The following PCDHGA11 variants were observed in gnomAD, a reference collection of about 807,000 sequenced individuals.
The protein encoded by PCDHGA11 is protocadherin gamma-A11.
A neutral mutation model predicts 60.4 loss-of-function variants in PCDHGA11; 39 were observed. That is an observed-to-expected ratio of 0.65 (90% CI 0.50 to 0.84). The LOEUF (loss-of-function observed/expected upper bound fraction) is 0.84, where lower values mean the gene tolerates loss of function less well. PCDHGA11 is among the 40% of genes least tolerant of loss of function. The pLI is 0.00. For missense variants in PCDHGA11, 1,165 were observed against 1,197.7 expected (o/e 0.97, Z 0.40); for synonymous variants, 533 against 510.3 (o/e 1.04, Z -0.60).
rs776854254 is a variant in PCDHGA11 at position 141,487,285 on chromosome 5, C to T, written c.2434-7522C>T. On this transcript the variant is annotated intron_variant, in intron 1 of 3. Coordinates refer to ENST00000398587, the MANE Select transcript of PCDHGA11 (RefSeq NM_018914.3). This position sits in a 1 kb window ranked among gnomAD's most constrained non-coding sequence, Gnocchi z 5.0. The stretch of plus-strand genomic sequence containing the variant: ...CCCTAGTGGCAATTTGCTTTGTCTC[C>T]TTTGGCTCATTCGTGGCACTACTCT... 8 of 1,614,148 alleles carry T rather than the reference C, an allele frequency of 5.0e-6. No homozygotes were observed. The highest frequency in any genetic ancestry group is 6.8e-6 in the Non-Finnish European group (8 of 1,180,036).
chr5:141,444,915 T>C (rs1262912255), intron 1 of PCDHGA11, among the ~76,000 whole-genome samples: 1 of 152,174 alleles, frequency 6.6e-6, no homozygotes, highest in East Asian at 1.9e-4. Flanking sequence ...TCTATACCTT[T>C]ATCAGGGAAA....
At chr5:141,460,987 A>C (rs201722325) in intron 1 of PCDHGA11, among the ~76,000 whole-genome samples, 1 of 92,990 alleles carries the variant, frequency 1.1e-5, no homozygotes, top group South Asian at 3.4e-4. Context: ...GTGTGTGTAT[A>C]TATATATATG....
intron 1 of PCDHGA11, among the ~76,000 whole-genome samples, chr5:141,448,086 TAA>T (rs558292628): frequency 6.8e-6 from 1 of 146,354 alleles, no homozygotes; most frequent in Middle Eastern, 3.2e-3. Flanking sequence ...AATGCCATCT[TAA>T]AAAAAAAAAA....
chr5:141,423,756 GGGGGTGGGGC>G, intron 1 of PCDHGA11, 96 bp downstream of exon 1: 1 of 448,620 alleles, frequency 2.2e-6, no homozygotes, highest in Non-Finnish European at 3.0e-6. Context: ...TGTTTGGGGG[GGGGGTGGGGC>G]GGCATATATT....
rs757308340 is a variant in PCDHGA11, at chr5:141,487,575, G to A, written c.2434-7232G>A. ...GCACCTATGGCAGGGGAGCCTGTTC[G>A]CCCAAGCTGCCCACCCTCTGATCTT... On this transcript the variant is annotated intron_variant, in intron 1 of 3. Coordinates refer to ENST00000398587, the MANE Select transcript of PCDHGA11 (RefSeq NM_018914.3). This position sits in a 1 kb window ranked among gnomAD's most constrained non-coding sequence, Gnocchi z 5.0. The A allele has an allele frequency of 3.1e-6, 5 of 1,614,018 alleles. No homozygotes were observed. In the African/African-American group the frequency reaches 4.0e-5, roughly 13 times the overall value.
chr5:141,490,796 A>G lies in PCDHGA11; in HGVS notation c.2434-4011A>G. ...CCAGAGGATGGACGGATCTTTGCCC[A>G]GCGTACCTTTGACTATGAATTGCTG... On this transcript the variant is annotated intron_variant, in intron 1 of 3. Coordinates refer to ENST00000398587, the MANE Select transcript of PCDHGA11 (RefSeq NM_018914.3). The surrounding 1 kb of genome is among the most constrained non-coding windows in gnomAD (Gnocchi z 5.4). The G allele has an allele frequency of 6.2e-7, 1 of 1,613,978 alleles. No individual in the cohort carries two copies. The highest frequency in any genetic ancestry group is 8.5e-7 in the Non-Finnish European group (1 of 1,179,904).
intron 1 of PCDHGA11, chr5:141,427,676 T>G: frequency 1.2e-6 from 1 of 813,766 alleles, no homozygotes; most frequent in Non-Finnish European, 2.1e-6. Flanking sequence ...AAAACAACCT[T>G]CCCGGAGCCT....
At chr5:141,428,145 A>T (rs748256830) in intron 1 of PCDHGA11, 11 of 1,592,456 alleles carry the variant, frequency 6.9e-6, no homozygotes, top group Non-Finnish European at 8.6e-7. Flanking sequence ...GGGGCTGCAC[A>T]CGGGAACCTG....
intron 1 of PCDHGA11, among the ~76,000 whole-genome samples, chr5:141,439,190 C>CAAA (rs200519543): frequency 1.8e-5 from 2 of 111,760 alleles, no homozygotes; most frequent in African/African-American, 6.3e-5. Context: ...GAGACTCTGA[C>CAAA]AAAAAAAAAA....
Position 141,423,884 on chromosome 5 carries a change from T to C in PCDHGA11, c.2433+224T>C, listed in dbSNP as rs1253750785. On this transcript the variant is annotated intron_variant, in intron 1 of 3. Transcript: ENST00000398587. ...TGAAAGTCATTTTTCAATCTTGGCA[T>C]ATTTTCTTTTGATTTCAAAGGGGCC... The C allele has an allele frequency of 6.2e-6, 8 of 1,282,566 alleles. No individual in the cohort carries two copies. In the African/African-American group the frequency reaches 1.2e-4, roughly 20 times the overall value. 79.4% of individuals were successfully genotyped at this position (1,282,566 alleles called of 1,614,324 possible). A position where few individuals can be genotyped will look rare whatever the true frequency, so the allele number is the denominator to read the frequency against.
intron 1 of PCDHGA11, among the ~76,000 whole-genome samples, chr5:141,481,426 A>T (rs1431602618): frequency 6.6e-6 from 1 of 152,238 alleles, no homozygotes; most frequent in Non-Finnish European, 1.5e-5. Context: ...TGTGATGATG[A>T]TTGTATCAGT....
In PCDHGA11 at chr5:141,433,032, C is replaced by T. The variant is rs751061646; in HGVS notation, c.2433+9372C>T. The T allele has an allele frequency of 2.5e-6, 4 of 1,614,188 alleles. No homozygotes were observed. Among genetic ancestry groups the T allele is most frequent in the African/African-American group, 2.7e-5 (2 of 75,058 alleles). On this transcript the variant is annotated intron_variant, in intron 1 of 3. Transcript: ENST00000398587. ...CTGCAGACCTATTCCCACGAGGTTTCCCTCACCACGGACTCGCGGAAGAGT... is the reference window on the plus strand; with the variant it reads ...CTGCAGACCTATTCCCACGAGGTTTTCCTCACCACGGACTCGCGGAAGAGT...
chr5:141,447,942 T>C (rs1476141059), intron 1 of PCDHGA11, among the ~76,000 whole-genome samples: 2 of 151,740 alleles, frequency 1.3e-5, no homozygotes, highest in African/African-American at 4.8e-5. Context: ...AAAAATTAGC[T>C]GGGCATGGTG....
At chr5:141,471,786 A>G (rs1043196530) in intron 1 of PCDHGA11, among the ~76,000 whole-genome samples, 6 of 152,244 alleles carry the variant, frequency 3.9e-5, no homozygotes, top group African/African-American at 1.4e-4. Flanking sequence ...ACATTATGCT[A>G]TGTCATATAA....
intron 1 of PCDHGA11, among the ~76,000 whole-genome samples, chr5:141,450,639 A>T (rs1390959433): frequency 6.6e-6 from 1 of 151,390 alleles, no homozygotes; most frequent in Non-Finnish European, 1.5e-5. Flanking sequence ...GATGCCTGCC[A>T]CCATGCCTGG....
intron 1 of PCDHGA11, chr5:141,427,267 A>C (rs1361287845): frequency 6.6e-6 from 3 of 456,648 alleles, no homozygotes; most frequent in Non-Finnish European, 1.3e-5. Flanking sequence ...ATGACCAGCG[A>C]ATGTAAAATT....
chr5:141,431,697 G>T lies in PCDHGA11; in HGVS notation c.2433+8037G>T, dbSNP rs1303639699. 6.2e-7 allele frequency: 1 copy of T among 1,614,206 alleles called. No homozygotes were observed. Among genetic ancestry groups the T allele is most frequent in the Admixed American group, 1.7e-5 (1 of 60,024 alleles). ...GGGGAGTTGGACCACGAGGAGTCAG[G>T]ATTCTACCAGATGGAAGTGCAAGCA... On this transcript the variant is annotated intron_variant, in intron 1 of 3. Transcript: ENST00000398587. This position sits in a 1 kb window ranked among gnomAD's most constrained non-coding sequence, Gnocchi z 4.8.
intron 1 of PCDHGA11, chr5:141,427,993 C>G: frequency 6.3e-7 from 1 of 1,599,460 alleles, no homozygotes; most frequent in South Asian, 1.1e-5. Flanking sequence ...CCCGATGGCT[C>G]CGCACTCTTC....
chr5:141,510,813 C>T, intron 3 of PCDHGA11, 134 bp from the exon 4 acceptor site: 1 of 1,537,024 alleles, frequency 6.5e-7, no homozygotes, highest in South Asian at 1.2e-5. Flanking sequence ...CTTGGTGACC[C>T]CTATATTCCC....
Sources: allele counts gnomAD v4.1 joint callset (sites outside exome capture counted in the v4.1 genomes callset), GRCh38; gene constraint gnomAD v4.1.1; non-coding constraint Gnocchi (gnomAD v3.1); transcripts MANE v1.5; gene names NCBI Gene and HGNC (gene_info 2026-07-23, HGNC 2026-07-21).